The following BLTP1 variants were observed in gnomAD, a reference collection of about 807,000 sequenced individuals.
BLTP1 encodes fragile site-associated protein.
At chr4:122,298,671 A>T in the BLTP1 span, 9 of 13,158 alleles carry the variant, frequency 6.8e-4, no homozygotes, top group Non-Finnish European at 8.4e-4. Flanking sequence ...GTATTTAAAC[A>T]TATAATAATA....
chr4:122,273,216 T>C, the BLTP1 span: 2 of 962,178 alleles, frequency 2.1e-6, no homozygotes, highest in East Asian at 1.1e-4. Context: ...TTGTAAGGTC[T>C]AATCAAAACT....
At chr4:122,316,763 C>T in the BLTP1 span, 2 of 1,612,618 alleles carry the variant, frequency 1.2e-6, no homozygotes, top group Non-Finnish European at 1.7e-6. Flanking sequence ...CAGGCAGCAT[C>T]TGCTAGCCAG....
At chr4:122,164,632 G>T in the BLTP1 span, among the ~76,000 whole-genome samples, 1 of 152,084 alleles carries the variant, frequency 6.6e-6, no homozygotes, top group Non-Finnish European at 1.5e-5. Flanking sequence ...TTTTTGGGGT[G>T]TGGGGAAAGA....
chr4:122,189,342 A>C, the BLTP1 span: 3 of 982,868 alleles, frequency 3.1e-6, no homozygotes, highest in African/African-American at 5.2e-5. Context: ...AAGTTGTTTA[A>C]TCAAAGCAAG....
chr4:122,214,351 A>G, the BLTP1 span: 2 of 930,784 alleles, frequency 2.1e-6, no homozygotes, highest in East Asian at 1.2e-4. Context: ...ATTCAAGCAT[A>G]ATGTAAATTT....
the BLTP1 span, chr4:122,249,892 G>A: frequency 1.7e-5 from 17 of 984,884 alleles, no homozygotes; most frequent in Non-Finnish European, 1.8e-5. Context: ...AAAGTAGGTA[G>A]AGCTTGAAAA....
At chr4:122,225,308 G>C in the BLTP1 span, 1 of 152,682 alleles carries the variant, frequency 6.5e-6, no homozygotes, top group East Asian at 1.9e-4. Flanking sequence ...TTAATCCTTA[G>C]AAGGCACAAA....
At chr4:122,270,940 G>A in the BLTP1 span, 1 of 1,452,820 alleles carries the variant, frequency 6.9e-7, no homozygotes, top group Non-Finnish European at 9.1e-7. Context: ...AGATGATTTT[G>A]CCTATAAATT....
the BLTP1 span, among the ~76,000 whole-genome samples, chr4:122,311,967 G>A: frequency 4.6e-5 from 7 of 152,134 alleles, no homozygotes; most frequent in Non-Finnish European, 8.8e-5. Context: ...TCTAAAAATC[G>A]TAATATTCCT....
chr4:122,347,881 G>T, the BLTP1 span: 3 of 737,928 alleles, frequency 4.1e-6, no homozygotes, highest in Non-Finnish European at 6.1e-6. Flanking sequence ...ATAAATTCTT[G>T]AGGTTTTTAT....
chr4:122,186,158 C>T, the BLTP1 span: 1 of 1,612,376 alleles, frequency 6.2e-7, no homozygotes, highest in Admixed American at 1.7e-5. Context: ...AATAATTCCA[C>T]CTAAGAAAGA....
the BLTP1 span, chr4:122,279,978 C>T: frequency 3.1e-6 from 5 of 1,613,844 alleles, no homozygotes; most frequent in Non-Finnish European, 4.2e-6. Flanking sequence ...CAGCCTTCTA[C>T]AGCGTAAGTT....
the BLTP1 span, chr4:122,348,694 G>C: frequency 1.1e-5 from 18 of 1,604,888 alleles, no homozygotes; most frequent in Non-Finnish European, 1.5e-5. Context: ...AAATGAATAT[G>C]AGTAATGTAA....
the BLTP1 span, chr4:122,174,489 A>T: frequency 6.4e-7 from 1 of 1,550,612 alleles, no homozygotes; most frequent in Non-Finnish European, 8.7e-7. Context: ...GAATAAATTT[A>T]GTGCTAATGT....
chr4:122,152,909 C>T, the BLTP1 span: 2 of 808,654 alleles, frequency 2.5e-6, no homozygotes, highest in South Asian at 5.6e-5. Context: ...CCCGCAGGCT[C>T]GGACTGCAGC....
chr4:122,236,948 T>G, the BLTP1 span: 39 of 985,202 alleles, frequency 4.0e-5, no homozygotes, highest in Non-Finnish European at 4.3e-5. Flanking sequence ...AGTGTCAGGA[T>G]AAAATCAAGG....
At chr4:122,247,480 AGGTATTTCTCCCTATATTGAACACGT>A in the BLTP1 span, 1 of 1,208,566 alleles carries the variant, frequency 8.3e-7, no homozygotes, top group Non-Finnish European at 1.2e-6. Context: ...AGAAAGAGAA[AGGTATTTCTCCCTATATTGAACACGT>A]GGTATTTAGC....
the BLTP1 span, chr4:122,264,161 A>G: frequency 7.1e-7 from 1 of 1,408,218 alleles, no homozygotes; most frequent in Non-Finnish European, 9.3e-7. Flanking sequence ...GTACTACTAT[A>G]CAGGCTTCAA....
the BLTP1 span, chr4:122,269,161 TTTATATATAA>T: frequency 4.8e-5 from 32 of 663,698 alleles, no homozygotes; most frequent in Non-Finnish European, 5.8e-5. Context: ...AATATATCCA[TTTATATATAA>T]ATATGTTTAT....
Sources: gnomAD v4.1 joint callset for allele counts (sites outside exome capture counted in the v4.1 genomes callset) on GRCh38, gnomAD v4.1.1 for gene constraint, MANE v1.5 for transcripts, NCBI Gene and HGNC (gene_info 2026-07-23, HGNC 2026-07-21) for gene names.